NRG3: variants seen among roughly 807,000 people sequenced by gnomAD.
NRG3 encodes the protein pro-neuregulin-3, membrane-bound isoform.
NRG3 carries 31 observed loss-of-function variants against 66.9 expected under a neutral mutation model. The observed-to-expected ratio is 0.46, with a 90% CI of 0.35 to 0.63. The LOEUF (loss-of-function observed/expected upper bound fraction) is 0.63, where lower values mean the gene tolerates loss of function less well. Among genes scored for constraint, NRG3 ranks in the 20% least tolerant of loss-of-function variants. The probability of loss-of-function intolerance (pLI) is 0.00; values close to 1 mark genes in which losing one functional copy is unlikely to be tolerated. For missense variants in NRG3, 910 were observed against 878.9 expected (o/e 1.04, Z -0.45); for synonymous variants, 393 against 359.4 (o/e 1.09, Z -1.06).
At chr10:82,150,898 T>C (rs574710149) in intron 1 of NRG3, among the ~76,000 whole-genome samples, 23 of 152,076 alleles carry the variant, frequency 1.5e-4, no homozygotes, top group Non-Finnish European at 2.4e-4. Flanking sequence ...AAAAGAAAAA[T>C]ACAAAACTAC....
intron 1 of NRG3, among the ~76,000 whole-genome samples, chr10:82,190,382 A>C (rs775179451): frequency 9.2e-5 from 14 of 152,310 alleles, no homozygotes; most frequent in Non-Finnish European, 1.8e-4. Flanking sequence ...TTTTAAATTG[A>C]AATAGATAAT....
At chr10:82,349,062 G>A (rs910746925) in intron 1 of NRG3, among the ~76,000 whole-genome samples, 2 of 152,150 alleles carry the variant, frequency 1.3e-5, no homozygotes, top group African/African-American at 4.8e-5. Context: ...CCTTCTCTCA[G>A]CTCGTCAAAG....
chr10:82,170,380 A>G (rs1313969735), intron 1 of NRG3, among the ~76,000 whole-genome samples: 1 of 152,002 alleles, frequency 6.6e-6, no homozygotes, highest in Admixed American at 6.6e-5. Flanking sequence ...GTCAATAAAC[A>G]GTAAGTAGGT....
At chr10:82,931,636 T>C (rs1847585153) in intron 4 of NRG3, among the ~76,000 whole-genome samples, 1 of 152,224 alleles carries the variant, frequency 6.6e-6, no homozygotes, top group South Asian at 2.1e-4. Flanking sequence ...TTCTATTGGA[T>C]TTTGAGGTCC....
At chr10:81,915,956 C>T (rs1211473998) in intron 1 of NRG3, among the ~76,000 whole-genome samples, 2 of 151,910 alleles carry the variant, frequency 1.3e-5, no homozygotes, top group African/African-American at 2.4e-5. Context: ...CATCTGTAAC[C>T]ATATGAAAAA....
At chr10:82,506,866 A>C (rs1701617653) in intron 2 of NRG3, among the ~76,000 whole-genome samples, 1 of 152,156 alleles carries the variant, frequency 6.6e-6, no homozygotes, top group African/African-American at 2.4e-5. Flanking sequence ...ATTCCTAAGG[A>C]AGTAATTTTC....
At chr10:82,740,430 A>AG (rs1437127581) in intron 3 of NRG3, among the ~76,000 whole-genome samples, 1 of 152,124 alleles carries the variant, frequency 6.6e-6, no homozygotes, top group Non-Finnish European at 1.5e-5. Context: ...AGAGTGGAGG[A>AG]GGGGGTCACC....
chr10:82,056,099 T>C (rs940629703), intron 1 of NRG3, among the ~76,000 whole-genome samples: 13 of 152,160 alleles, frequency 8.5e-5, no homozygotes, highest in Admixed American at 5.2e-4. Flanking sequence ...AAAAATTTTG[T>C]CCCATCATAG....
intron 2 of NRG3, among the ~76,000 whole-genome samples, chr10:82,455,475 A>G (rs551501495): frequency 6.6e-6 from 1 of 152,306 alleles, no homozygotes; most frequent in East Asian, 1.9e-4. Context: ...GTACCATTGT[A>G]CAGGGCACTT....
chr10:82,806,639 G>A lies in NRG3; in HGVS notation c.1028-58772G>A, dbSNP rs2061296595. On this transcript the variant is annotated intron_variant, in intron 3 of 8. Coordinates refer to ENST00000372141, the MANE Select transcript of NRG3 (RefSeq NM_001010848.4). ...GTTTCACATTTCTGAGATGCATCTA[G>A]GAGTTGTCATGTACCATTAGTATAT... Among the ~76,000 whole-genome samples, 5 of 152,186 alleles carry A rather than the reference G, an allele frequency of 3.3e-5. No homozygotes were observed. In the South Asian group the frequency reaches 8.3e-4, roughly 25 times the overall value.
At chr10:82,120,837 A>G (rs2068041076) in intron 1 of NRG3, among the ~76,000 whole-genome samples, 2 of 152,026 alleles carry the variant, frequency 1.3e-5, no homozygotes, top group Non-Finnish European at 2.9e-5. Flanking sequence ...TGCTTCCCAC[A>G]GCTCCTTCTC....
intron 3 of NRG3, among the ~76,000 whole-genome samples, chr10:82,783,696 T>G (rs2060217543): frequency 6.6e-6 from 1 of 152,014 alleles, no homozygotes; most frequent in African/African-American, 2.4e-5. Flanking sequence ...CACTGCTCAA[T>G]GAAGTAAAAG....
chr10:82,296,159 G>A (rs546530001), intron 1 of NRG3, among the ~76,000 whole-genome samples: 6 of 152,288 alleles, frequency 3.9e-5, no homozygotes, highest in Admixed American at 1.3e-4. Flanking sequence ...TGAAGCAGTC[G>A]TGTGTTTGAG....
chr10:82,187,148 T>A (rs553458402), intron 1 of NRG3, among the ~76,000 whole-genome samples: 1 of 152,328 alleles, frequency 6.6e-6, no homozygotes, highest in Middle Eastern at 3.4e-3. Flanking sequence ...AATGTCTTTT[T>A]TTAAGCCAAG....
At chr10:82,530,768 A>G (rs1847170524) in intron 2 of NRG3, among the ~76,000 whole-genome samples, 1 of 151,916 alleles carries the variant, frequency 6.6e-6, no homozygotes. Flanking sequence ...TTGGCATTTT[A>G]GAATATCTTG....
chr10:81,910,288 A>G (rs996360556), intron 1 of NRG3, among the ~76,000 whole-genome samples: 2 of 152,194 alleles, frequency 1.3e-5, no homozygotes, highest in African/African-American at 4.8e-5. Flanking sequence ...GTAAAGAGAA[A>G]TAACTACTCA....
At chr10:82,427,853 G>A (rs1270471169) in intron 2 of NRG3, among the ~76,000 whole-genome samples, 5 of 151,868 alleles carry the variant, frequency 3.3e-5, no homozygotes, top group Non-Finnish European at 7.4e-5. Context: ...TTTTATTGTA[G>A]GAGGTTTTAA....
Position 81,875,783 on chromosome 10 carries a change from C to A in NRG3, c.443C>A (p.Ser148Tyr), listed in dbSNP as rs754945385. ...CCCTCCGCCGGGGGTGCCGCCTCCT[C>A]CAGGACGCCCAACCGGATTAGCACT... ...ATPSAGGAAS[S>Y]RTPNRISTRL... is the part of the protein sequence containing the mutation. Residue 148 changes from serine to tyrosine, a missense_variant, in exon 1 of 9, where the codon TCC becomes TAC. Coordinates refer to ENST00000372141, the MANE Select transcript of NRG3 (RefSeq NM_001010848.4). This position sits in a 1 kb window ranked among gnomAD's most constrained non-coding sequence, Gnocchi z 5.3. 1.2e-6 allele frequency: 2 copies of A among 1,611,038 alleles called. No individual in the cohort carries two copies. The highest frequency in any genetic ancestry group is 2.7e-5 in the African/African-American group (2 of 74,906).
At chr10:81,978,966 G>A (rs182492728) in intron 1 of NRG3, among the ~76,000 whole-genome samples, 2,471 of 152,022 alleles carry the variant, frequency 0.016, 68 homozygotes, top group African/African-American at 0.056. Context: ...CGAGGTGGGC[G>A]GATCACAAGG....
Sources: allele counts gnomAD v4.1 joint callset (sites outside exome capture counted in the v4.1 genomes callset), GRCh38; gene constraint gnomAD v4.1.1; non-coding constraint Gnocchi (gnomAD v3.1); transcripts MANE v1.5; gene names NCBI Gene and HGNC (gene_info 2026-07-23, HGNC 2026-07-21).